The following VEPH1 variants were observed in gnomAD, a reference collection of about 807,000 sequenced individuals.
VEPH1 encodes ventricular zone-expressed PH domain-containing protein homolog 1.
A neutral mutation model predicts 85.2 loss-of-function variants in VEPH1; 80 were observed. That is an observed-to-expected ratio of 0.94 (90% CI 0.78 to 1.13). The LOEUF is 1.13. Among genes scored for constraint, VEPH1 ranks in the 50% most tolerant of loss-of-function variants. The probability of loss-of-function intolerance (pLI) is 0.00; values close to 1 mark genes in which losing one functional copy is unlikely to be tolerated. For missense variants in VEPH1, 955 were observed against 980.5 expected (o/e 0.97, Z 0.35); for synonymous variants, 297 against 348.0 (o/e 0.85, Z 1.63).
intron 11 of VEPH1, among the ~76,000 whole-genome samples, chr3:157,290,029 TACACAAACACACACACAC>T (rs1463260503): frequency 1.7e-5 from 2 of 114,874 alleles, no homozygotes; most frequent in Non-Finnish European, 3.5e-5. Flanking sequence ...GTTGTTATTA[TACACAAACACACACACAC>T]ACACACACAC....
intron 7 of VEPH1, among the ~76,000 whole-genome samples, chr3:157,373,034 T>A (rs945888159): frequency 6.6e-6 from 1 of 152,224 alleles, no homozygotes. Context: ...GGGCTTTCTA[T>A]GTATAGTCTT....
At chr3:157,286,985 A>G (rs932262884) in intron 11 of VEPH1, among the ~76,000 whole-genome samples, 6 of 152,188 alleles carry the variant, frequency 3.9e-5, no homozygotes, top group Non-Finnish European at 5.9e-5. Context: ...CAGATTTTCT[A>G]AAAAGAAGGG....
chr3:157,372,486 C>T (rs1247751877), intron 7 of VEPH1, among the ~76,000 whole-genome samples: 1 of 152,202 alleles, frequency 6.6e-6, no homozygotes, highest in African/African-American at 2.4e-5. Context: ...ATATTAAGAA[C>T]CATTTTTCCT....
intron 12 of VEPH1, among the ~76,000 whole-genome samples, chr3:157,272,360 CTT>C (rs1363949159): frequency 1.6e-5 from 2 of 125,398 alleles, no homozygotes; most frequent in Admixed American, 9.3e-5. Context: ...CTCTCTCTTT[CTT>C]TCTTTCTCTT....
chr3:157,313,804 A>G lies in VEPH1; in HGVS notation c.1876-49T>C, dbSNP rs747974461. 10 of 1,600,908 alleles carry G rather than the reference A, an allele frequency of 6.2e-6. No individual in the cohort carries two copies. In the East Asian group the frequency reaches 9.0e-5, roughly 14 times the overall value. ...ACAGAATATACTATGTCTTGTCCCAATAGTATTGTTTGATTGATTTCAAGG... is the reference window on the plus strand; with the variant it reads ...ACAGAATATACTATGTCTTGTCCCAGTAGTATTGTTTGATTGATTTCAAGG... On this transcript the variant is annotated intron_variant, in intron 10 of 13. Coordinates refer to ENST00000362010, the MANE Select transcript of VEPH1 (RefSeq NM_001167912.2).
At chr3:157,387,480 A>G (rs927598870) in intron 6 of VEPH1, among the ~76,000 whole-genome samples, 3 of 152,222 alleles carry the variant, frequency 2.0e-5, no homozygotes, top group African/African-American at 7.2e-5. Flanking sequence ...ATATAGCTAT[A>G]AGTGGCAGAG....
At chr3:157,466,804 CA>C (rs1339836502) in intron 3 of VEPH1, among the ~76,000 whole-genome samples, 1 of 152,192 alleles carries the variant, frequency 6.6e-6, no homozygotes, top group Non-Finnish European at 1.5e-5. Flanking sequence ...CTATTTTACA[CA>C]TAAGTTGAGA....
rs1366751262 is a variant in VEPH1, at chr3:157,411,719, C to G, written c.906+2162G>C. On this transcript the variant is annotated intron_variant, in intron 6 of 13. Coordinates refer to ENST00000362010, the MANE Select transcript of VEPH1 (RefSeq NM_001167912.2). ...TCCCAGGAAGGGGGGTGAATCAGAACCACCAGAAAGATTTGTTTGTTTTGG... is the reference window on the plus strand; with the variant it reads ...TCCCAGGAAGGGGGGTGAATCAGAAGCACCAGAAAGATTTGTTTGTTTTGG... 2.6e-5 allele frequency among the ~76,000 whole-genome samples: 4 copies of G among 152,262 alleles called. No individual in the cohort carries two copies. In the South Asian group the frequency reaches 8.3e-4, roughly 32 times the overall value.
chr3:157,480,038 T>TTTTTC (rs1553796368), intron 2 of VEPH1, among the ~76,000 whole-genome samples: 3 of 151,054 alleles, frequency 2.0e-5, no homozygotes, highest in African/African-American at 4.9e-5. Context: ...TTCATTCTTT[T>TTTTTC]TTTCTTTCTT....
intron 9 of VEPH1, among the ~76,000 whole-genome samples, chr3:157,336,829 C>T (rs535172777): frequency 2.0e-5 from 3 of 152,244 alleles, no homozygotes; most frequent in Non-Finnish European, 4.4e-5. Context: ...TCATAGCCAT[C>T]CATTTATGAA....
chr3:157,429,352 A>G (rs1427283421), intron 4 of VEPH1, among the ~76,000 whole-genome samples: 6 of 152,218 alleles, frequency 3.9e-5, no homozygotes, highest in African/African-American at 1.2e-4. Flanking sequence ...GAATCAAATA[A>G]GAAGGAATTA....
At chr3:157,314,319 G>A (rs1249482907) in intron 10 of VEPH1, among the ~76,000 whole-genome samples, 11 of 85,704 alleles carry the variant, frequency 1.3e-4, no homozygotes, top group Admixed American at 4.7e-4. Flanking sequence ...GGTGACAGAG[G>A]GAGGATCCGT....
rs914708882 is a variant in VEPH1, at chr3:157,363,519, T to C, written c.1580A>G (p.Glu527Gly). 3.7e-6 allele frequency: 6 copies of C among 1,614,174 alleles called. No homozygotes were observed. Among genetic ancestry groups the C allele is most frequent in the Non-Finnish European group, 5.1e-6 (6 of 1,180,018 alleles). The change falls in exon 9 of 14, where the codon GAA (glutamate) becomes GGA (glycine). Residue 527 changes from glutamate (E) to glycine (G), a missense_variant. Physicochemically the swap from Glu to Gly is moderately conservative, Grantham distance 98. Transcript: ENST00000362010. ...CTCTGGAGTTTCTTCCTGGGAGTTT[T>C]CTTTAACAGTTTCTGACAAATTCTC... ...DSENLSETVK[E>G]NSQEETPETT...
intron 6 of VEPH1, among the ~76,000 whole-genome samples, chr3:157,389,661 A>G (rs1729661635): frequency 6.6e-6 from 1 of 151,736 alleles, no homozygotes; most frequent in Non-Finnish European, 1.5e-5. Context: ...ATAGATAGAT[A>G]GATAGATAGA....
chr3:157,498,592 A>G (rs1739862511), intron 1 of VEPH1, among the ~76,000 whole-genome samples: 1 of 150,500 alleles, frequency 6.6e-6, no homozygotes, highest in Non-Finnish European at 1.5e-5. Context: ...AGTTGTATTC[A>G]TGACTGTGTG....
chr3:157,381,057 GT>G, intron 7 of VEPH1, 98 bp downstream of exon 7: 1 of 1,241,754 alleles, frequency 8.1e-7, no homozygotes, highest in East Asian at 2.3e-5. Context: ...TGAGATACAG[GT>G]TTTAGCTTCC....
At chr3:157,447,525 A>G (rs1313359629) in intron 4 of VEPH1, among the ~76,000 whole-genome samples, 1 of 151,884 alleles carries the variant, frequency 6.6e-6, no homozygotes, top group Non-Finnish European at 1.5e-5. Context: ...TGTATCATGA[A>G]TTTTTAATGG....
intron 9 of VEPH1, among the ~76,000 whole-genome samples, chr3:157,343,331 A>G (rs1159128325): frequency 1.3e-5 from 2 of 152,236 alleles, no homozygotes; most frequent in Non-Finnish European, 1.5e-5. Context: ...GCAATAAAAA[A>G]TGATAAAGGG....
At chr3:157,341,383 A>G (rs1003600852) in intron 9 of VEPH1, among the ~76,000 whole-genome samples, 3 of 152,258 alleles carry the variant, frequency 2.0e-5, no homozygotes, top group African/African-American at 7.2e-5. Context: ...CGAATGCACA[A>G]GCTTCAGTAG....
Sources: allele counts gnomAD v4.1 joint callset (sites outside exome capture counted in the v4.1 genomes callset), GRCh38; gene constraint gnomAD v4.1.1; transcripts MANE v1.5; gene names NCBI Gene and HGNC (gene_info 2026-07-23, HGNC 2026-07-21).